ANTXR1: variants seen among roughly 807,000 people sequenced by gnomAD.
ANTXR1 encodes the protein anthrax toxin receptor 1.
In ANTXR1, 19 loss-of-function variants were observed where a neutral mutation model predicts 78.1. That is an observed-to-expected ratio of 0.24 (90% CI 0.17 to 0.36). ANTXR1 has a LOEUF of 0.36. Ranked by LOEUF, ANTXR1 falls within the 10% of genes least tolerant of loss-of-function variation. The pLI is 1.00. For missense variants in ANTXR1, 518 were observed against 718.6 expected (o/e 0.72, Z 3.19); for synonymous variants, 273 against 260.5 (o/e 1.05, Z -0.46).
chr2:69,194,009 G>A (rs1376460707), intron 17 of ANTXR1, among the ~76,000 whole-genome samples: 1 of 152,244 alleles, frequency 6.6e-6, no homozygotes, highest in Non-Finnish European at 1.5e-5. Flanking sequence ...GAGCAGTCCT[G>A]AAAGATAGAG....
rs563241671 is a variant in ANTXR1 at position 69,146,540 on chromosome 2, G to T, written c.952-5629G>T. ...TGCAGGGGCTACCTGGTAAGGGCAG[G>T]TGGCACTGCCAAGGGCAGCAAACAC... On this transcript the variant is annotated intron_variant, in intron 12 of 17. Transcript: ENST00000303714. 8 of 327,312 alleles carry T rather than the reference G, an allele frequency of 2.4e-5. No homozygotes were observed. The Admixed American group carries it at 4.5e-4, about 18-fold the overall frequency. The allele number at this position is 327,312 out of a possible 1,614,324, so 20.3% of individuals were successfully genotyped here. A position where few individuals can be genotyped will look rare whatever the true frequency, so the allele number is the denominator to read the frequency against.
At chr2:69,155,403 A>G (rs1396313383) in intron 13 of ANTXR1, among the ~76,000 whole-genome samples, 1 of 152,088 alleles carries the variant, frequency 6.6e-6, no homozygotes, top group Non-Finnish European at 1.5e-5. Context: ...CAAATAGGTA[A>G]TTCAAGGGGT....
At chr2:69,225,647 G>C (rs1027026682) in intron 17 of ANTXR1, among the ~76,000 whole-genome samples, 38 of 152,106 alleles carry the variant, frequency 2.5e-4, no homozygotes, top group African/African-American at 8.5e-4. Flanking sequence ...GGGTAGGGGA[G>C]AAGCAAGGGA....
intron 10 of ANTXR1, among the ~76,000 whole-genome samples, chr2:69,104,939 A>C (rs1671755520): frequency 6.6e-6 from 1 of 152,112 alleles, no homozygotes; most frequent in African/African-American, 2.4e-5. Flanking sequence ...CAAAAAATTA[A>C]CTGGGCGTGG....
chr2:69,127,419 A>T (rs1047610324), intron 12 of ANTXR1, among the ~76,000 whole-genome samples: 3 of 151,884 alleles, frequency 2.0e-5, no homozygotes, highest in Non-Finnish European at 4.4e-5. Context: ...TGCCATCCCC[A>T]GGCATCTCCA....
At chr2:69,054,684 A>G (rs1346475669) in intron 3 of ANTXR1, among the ~76,000 whole-genome samples, 3 of 152,196 alleles carry the variant, frequency 2.0e-5, no homozygotes, top group African/African-American at 7.2e-5. Context: ...GGAAAATGAC[A>G]TACTCTGAAG....
chr2:69,088,439 A>G (rs564960623), intron 8 of ANTXR1, among the ~76,000 whole-genome samples: 1 of 152,242 alleles, frequency 6.6e-6, no homozygotes, highest in Non-Finnish European at 1.5e-5. Flanking sequence ...ACATCAAAAA[A>G]CAGCTTTGTG....
intron 17 of ANTXR1, among the ~76,000 whole-genome samples, chr2:69,233,199 A>G (rs1361760227): frequency 2.6e-5 from 4 of 152,136 alleles, no homozygotes; most frequent in African/African-American, 7.2e-5. Context: ...TACTTGTTAT[A>G]CGACAAGTAA....
Position 69,013,332 on chromosome 2 carries a change from G to T in ANTXR1, c.-168G>T. ...AAACAGCATCGGAGCGGAAACCAGA[G>T]GGGAAACCTTGAACTCCTCCAGACA... On this transcript the variant is annotated 5_prime_UTR_variant, in exon 1 of 18. The change creates a new upstream start codon in the 5' untranslated region. Transcript: ENST00000303714. The surrounding 1 kb of genome is among the most constrained non-coding windows in gnomAD (Gnocchi z 5.0). 1 of 898,030 alleles carries T rather than the reference G, an allele frequency of 1.1e-6. No homozygotes were observed. Among genetic ancestry groups the T allele is most frequent in the Non-Finnish European group, 1.7e-6 (1 of 580,932 alleles). 55.6% of individuals were successfully genotyped at this position (898,030 alleles called of 1,614,324 possible). A position where few individuals can be genotyped will look rare whatever the true frequency, so the allele number is the denominator to read the frequency against.
intron 12 of ANTXR1, among the ~76,000 whole-genome samples, chr2:69,134,033 T>A (rs1390389933): frequency 6.6e-6 from 1 of 152,198 alleles, no homozygotes; most frequent in African/African-American, 2.4e-5. Flanking sequence ...GGTCTCTATA[T>A]GAATTTGTGC....
chr2:69,248,937 T>C lies in ANTXR1; in HGVS notation c.*3452T>C, dbSNP rs913096483. ...GCTCTCCTATATTATCATACTCAGA[T>C]AACCAAATTAAAAGAATTAGAATAT... On this transcript the variant is annotated 3_prime_UTR_variant, in exon 18 of 18. Coordinates refer to ENST00000303714, the MANE Select transcript of ANTXR1 (RefSeq NM_032208.3). The C allele has an allele frequency of 6.6e-6, 1 of 152,240 alleles. No homozygotes were observed. Among genetic ancestry groups the C allele is most frequent in the African/African-American group, 2.4e-5 (1 of 41,468 alleles). The allele number at this position is 152,240 out of a possible 1,614,324, so 9.4% of individuals were successfully genotyped here.
At chr2:69,037,967 A>C (rs1390706526) in intron 1 of ANTXR1, among the ~76,000 whole-genome samples, 1 of 152,088 alleles carries the variant, frequency 6.6e-6, no homozygotes, top group Non-Finnish European at 1.5e-5. Flanking sequence ...ATGGTGCTGC[A>C]CCATGAAACC....
intron 14 of ANTXR1, among the ~76,000 whole-genome samples, chr2:69,173,727 T>C (rs770582953): frequency 6.6e-6 from 1 of 152,206 alleles, no homozygotes; most frequent in Non-Finnish European, 1.5e-5. Context: ...CAAGCATATT[T>C]GAAAGGCAAT....
intron 1 of ANTXR1, among the ~76,000 whole-genome samples, chr2:69,032,757 TTG>T (rs138530675): frequency 6.6e-6 from 1 of 151,308 alleles, no homozygotes; most frequent in Non-Finnish European, 1.5e-5. Flanking sequence ...TGTACATGTG[TTG>T]TGTGTGTGTG....
At chr2:69,118,675 G>A (rs777131512) in intron 10 of ANTXR1, among the ~76,000 whole-genome samples, 2 of 151,734 alleles carry the variant, frequency 1.3e-5, no homozygotes, top group South Asian at 2.2e-4. Context: ...CATATGTCAC[G>A]ACACCACTGG....
intron 1 of ANTXR1, among the ~76,000 whole-genome samples, chr2:69,033,170 C>T (rs1357687208): frequency 1.3e-5 from 2 of 152,140 alleles, no homozygotes; most frequent in Admixed American, 6.5e-5. Flanking sequence ...AGGAGCAGAG[C>T]GGGCAGCCCC....
At chr2:69,059,912 G>T (rs533487156) in intron 3 of ANTXR1, among the ~76,000 whole-genome samples, 9 of 152,244 alleles carry the variant, frequency 5.9e-5, no homozygotes, top group African/African-American at 2.2e-4. Flanking sequence ...GCCAGATGGT[G>T]CCATAGAAAA....
chr2:69,115,779 G>C (rs936598367), intron 10 of ANTXR1, among the ~76,000 whole-genome samples: 1 of 152,230 alleles, frequency 6.6e-6, no homozygotes, highest in Non-Finnish European at 1.5e-5. Context: ...ACTAGCCAGG[G>C]AGGGCTTCCA....
chr2:69,132,592 C>T (rs774198626), intron 12 of ANTXR1, among the ~76,000 whole-genome samples: 5 of 152,192 alleles, frequency 3.3e-5, no homozygotes, highest in Non-Finnish European at 7.4e-5. Context: ...AAAATTATTG[C>T]GTACTCTTCA....
Sources: gnomAD v4.1 joint callset for allele counts (sites outside exome capture counted in the v4.1 genomes callset) on GRCh38, gnomAD v4.1.1 for gene constraint, Gnocchi (gnomAD v3.1) non-coding constraint, MANE v1.5 for transcripts, NCBI Gene and HGNC (gene_info 2026-07-23, HGNC 2026-07-21) for gene names.